GPR89B: variants seen among roughly 807,000 people sequenced by gnomAD.
GPR89B encodes the protein golgi pH regulator B.
In GPR89B, 25 loss-of-function variants were observed where a neutral mutation model predicts 52.4. That is an observed-to-expected ratio of 0.48 (90% CI 0.35 to 0.67). The LOEUF (loss-of-function observed/expected upper bound fraction) is 0.67. GPR89B is among the 30% of genes least tolerant of loss of function. GPR89B has a pLI of 0.01. For missense variants in GPR89B, 146 were observed against 450.2 expected, an observed-to-expected ratio of 0.32 and a Z score of 6.11; for synonymous variants, 52 against 151.2, an observed-to-expected ratio of 0.34 and a Z score of 4.81.
At chr1:148,019,330 C>T in the GPR89B span, among the ~76,000 whole-genome samples, 3 of 150,894 alleles carry the variant, frequency 2.0e-5, no homozygotes, top group Non-Finnish European at 4.4e-5. Flanking sequence ...AACCAAACAC[C>T]GTGTGTTCTC....
downstream of GPR89B, among the ~76,000 whole-genome samples, chr1:147,994,886 T>C (rs1242161363): frequency 2.0e-5 from 3 of 152,094 alleles, no homozygotes; most frequent in Non-Finnish European, 4.4e-5. Context: ...ATTAAACTTT[T>C]TTAGAGTCTC....
chr1:147,945,373 T>C (rs1654881771), intron 5 of GPR89B, among the ~76,000 whole-genome samples: 1 of 151,036 alleles, frequency 6.6e-6, no homozygotes, highest in Non-Finnish European at 1.5e-5. Flanking sequence ...GAATTAATGT[T>C]GAATGAGCCA....
the GPR89B span, among the ~76,000 whole-genome samples, chr1:148,013,980 C>A: frequency 1.3e-5 from 2 of 151,512 alleles, no homozygotes; most frequent in African/African-American, 4.9e-5. Flanking sequence ...CCGCCTTGTT[C>A]CTGGAAGGGG....
intron 10 of GPR89B, among the ~76,000 whole-genome samples, chr1:147,974,512 C>T (rs1308070576): frequency 6.6e-6 from 1 of 151,742 alleles, no homozygotes; most frequent in African/African-American, 2.4e-5. Context: ...GATTTTTGCA[C>T]ATTGACTTTG....
chr1:148,009,822 A>G, the GPR89B span, among the ~76,000 whole-genome samples: 1 of 152,158 alleles, frequency 6.6e-6, no homozygotes, highest in Admixed American at 6.5e-5. Context: ...GTTCAACCCC[A>G]GCCCAGAGGG....
rs1429496316 is a variant in GPR89B, at chr1:147,928,482, T to C, written c.-55T>C. 6.3e-7 allele frequency: 1 copy of C among 1,598,168 alleles called. No individual in the cohort carries two copies. Among genetic ancestry groups the C allele is most frequent in the African/African-American group, 1.3e-5 (1 of 74,612 alleles). ...TGTGAGGGGGCCTGTGGCCCCAGCGTGCTGTGGCCTCCGGGAGTGGGAAGT... is the reference window on the plus strand; with the variant it reads ...TGTGAGGGGGCCTGTGGCCCCAGCGCGCTGTGGCCTCCGGGAGTGGGAAGT... On this transcript the variant is annotated 5_prime_UTR_variant, in exon 1 of 14. Coordinates refer to ENST00000314163, the MANE Select transcript of GPR89B (RefSeq NM_016334.5).
intron 10 of GPR89B, among the ~76,000 whole-genome samples, chr1:147,976,151 G>A (rs1657809322): frequency 6.6e-6 from 1 of 152,136 alleles, no homozygotes; most frequent in African/African-American, 2.4e-5. Flanking sequence ...AGAGAGTTCT[G>A]TAGATATCTA....
intron 2 of GPR89B, among the ~76,000 whole-genome samples, chr1:147,937,028 CTTATA>C (rs201007967): frequency 0.044 from 6,763 of 152,178 alleles, 211 homozygotes; most frequent in African/African-American, 0.075. Context: ...AATTGCAAGC[CTTATA>C]TTATAAGTTA....
chr1:148,015,583 G>A, the GPR89B span, among the ~76,000 whole-genome samples: 2 of 148,216 alleles, frequency 1.3e-5, no homozygotes, highest in Admixed American at 7.0e-5. Context: ...TAAAGTGTTG[G>A]GATTACAGGC....
chr1:147,997,816 G>A (rs1308562728), downstream of GPR89B, among the ~76,000 whole-genome samples: 3 of 151,636 alleles, frequency 2.0e-5, no homozygotes, highest in African/African-American at 7.3e-5. Context: ...GGTGACAGCT[G>A]TTATATGGTC....
intron 5 of GPR89B, among the ~76,000 whole-genome samples, chr1:147,952,174 G>A (rs1190046024): frequency 6.6e-6 from 1 of 152,144 alleles, no homozygotes; most frequent in Non-Finnish European, 1.5e-5. Context: ...TTAGTCAATA[G>A]TGTGAGAGCT....
rs2149076355 is a variant in GPR89B at position 147,968,889 on chromosome 1, C to T, written c.742C>T (p.Gln248Ter). 2.5e-6 allele frequency: 4 copies of T among 1,611,860 alleles called. No individual in the cohort carries two copies. In the East Asian group the frequency reaches 8.9e-5, roughly 36 times the overall value. The change falls in exon 9 of 14, where the codon CAA becomes TAA. Residue 248 changes from glutamine to a stop codon, truncating the protein, a stop_gained. Transcript: ENST00000314163. LOFTEE classifies it high-confidence loss of function. ...ASGSENLTLI[Q>*]QEVDALEELS... is the part of the protein sequence containing the mutation. ...TTCTGTGCCAGATCTTACTCTTATTCAACAGGAAGTGGATGCTTTGGAAGA... is the reference window on the plus strand; with the variant it reads ...TTCTGTGCCAGATCTTACTCTTATTTAACAGGAAGTGGATGCTTTGGAAGA...
intron 3 of GPR89B, among the ~76,000 whole-genome samples, chr1:147,941,330 A>C (rs1654540875): frequency 6.6e-6 from 1 of 152,222 alleles, no homozygotes; most frequent in Admixed American, 6.5e-5. Context: ...GCTTCCCAAA[A>C]TCTTGCAGAA....
chr1:148,014,299 T>C, the GPR89B span: 3 of 151,886 alleles, frequency 2.0e-5, no homozygotes. Flanking sequence ...AGAGCTCACA[T>C]CTGTCTGTTC....
chr1:147,930,517 A>G (rs4570459), intron 1 of GPR89B, among the ~76,000 whole-genome samples: 5 of 152,154 alleles, frequency 3.3e-5, no homozygotes, highest in Non-Finnish European at 5.9e-5. Context: ...GATCAGTTGC[A>G]GGCACATAGT....
chr1:148,012,822 A>G, the GPR89B span, among the ~76,000 whole-genome samples: 4 of 149,002 alleles, frequency 2.7e-5, no homozygotes, highest in African/African-American at 7.8e-5. Context: ...AAAAGTGTAT[A>G]CATTGATAGG....
chr1:148,015,296 T>TCCCC, the GPR89B span, among the ~76,000 whole-genome samples: 1 of 79,968 alleles, frequency 1.3e-5, no homozygotes, highest in Non-Finnish European at 2.4e-5. Context: ...TTCTAGGATC[T>TCCCC]CTCTCTCTCT....
chr1:147,933,939 T>C (rs1653863258), intron 1 of GPR89B, among the ~76,000 whole-genome samples: 1 of 152,038 alleles, frequency 6.6e-6, no homozygotes, highest in African/African-American at 2.4e-5. Flanking sequence ...GACTATAATC[T>C]AAGCTCCTTA....
At chr1:148,006,873 C>T in the GPR89B span, among the ~76,000 whole-genome samples, 15 of 151,646 alleles carry the variant, frequency 9.9e-5, no homozygotes, top group Middle Eastern at 6.8e-3. Context: ...CCTGCCACCG[C>T]GCCTGGCTAA....
Sources: gnomAD v4.1 joint callset for allele counts (sites outside exome capture counted in the v4.1 genomes callset) on GRCh38, gnomAD v4.1.1 for gene constraint, MANE v1.5 for transcripts, NCBI Gene and HGNC (gene_info 2026-07-23, HGNC 2026-07-21) for gene names.